Variants in CPED1 observed in about 807,000 individuals in gnomAD.
CPED1 encodes the protein cadherin like and PC-esterase domain containing 1.
Under a neutral mutation model 128.2 loss-of-function variants are expected in CPED1, and 114 were observed. That is an observed-to-expected ratio of 0.89 (90% CI 0.76 to 1.04). CPED1 has a LOEUF of 1.04. CPED1 is among the 50% of genes least tolerant of loss of function. CPED1 has a pLI of 0.00. For synonymous variants in CPED1, 462 were observed against 426.7 expected (o/e 1.08, Z -1.02); for missense variants, 1,211 against 1,207.1 (o/e 1.00, Z -0.05).
At position 121,261,876 on chromosome 7, in the gene CPED1, G is replaced by T. The variant is rs1792026227; in HGVS notation, c.2311-4351G>T. 3 of 681,990 alleles carry T rather than the reference G, an allele frequency of 4.4e-6. No individual in the cohort carries two copies. The East Asian group carries it at 8.9e-5, about 20-fold the overall frequency. 42.2% of individuals were successfully genotyped at this position (681,990 alleles called of 1,614,324 possible). A position where few individuals can be genotyped will look rare whatever the true frequency, so the allele number is the denominator to read the frequency against. On this transcript the variant is annotated intron_variant, in intron 18 of 22. Transcript: ENST00000310396. ...CAGGGACTATGCAACCAAGAAACTG[G>T]AAATAAAAACAAAGATAATTAAACC...
intron 6 of CPED1, among the ~76,000 whole-genome samples, chr7:121,098,733 T>C (rs1435781862): frequency 3.5e-5 from 1 of 28,850 alleles, no homozygotes; most frequent in East Asian, 2.6e-3. Flanking sequence ...TTGTCTCAAA[T>C]ATATATATAT....
At chr7:121,139,740 C>T (rs909678185) in intron 14 of CPED1, among the ~76,000 whole-genome samples, 9 of 152,020 alleles carry the variant, frequency 5.9e-5, no homozygotes, top group South Asian at 4.2e-4. Flanking sequence ...ATTATAGCTA[C>T]GTAAAAGCAG....
At chr7:121,213,346 A>T (rs1220393959) in intron 16 of CPED1, among the ~76,000 whole-genome samples, 8 of 152,058 alleles carry the variant, frequency 5.3e-5, no homozygotes, top group African/African-American at 1.9e-4. Flanking sequence ...GAATGATAAT[A>T]TCTACCTCAA....
At chr7:121,039,552 A>G (rs985513995) in intron 3 of CPED1, among the ~76,000 whole-genome samples, 1 of 152,048 alleles carries the variant, frequency 6.6e-6, no homozygotes, top group Non-Finnish European at 1.5e-5. Context: ...AAGGTGTTTC[A>G]AGCTGCTGAG....
intron 2 of CPED1, among the ~76,000 whole-genome samples, chr7:121,000,472 T>G (rs541534136): frequency 1.4e-4 from 21 of 152,314 alleles, no homozygotes; most frequent in African/African-American, 5.1e-4. Context: ...GCTAGGGGTA[T>G]TTACGATCCA....
intron 18 of CPED1, among the ~76,000 whole-genome samples, chr7:121,253,307 G>A (rs750542644): frequency 9.7e-5 from 11 of 113,122 alleles, no homozygotes; most frequent in Non-Finnish European, 1.7e-4. Context: ...CACCGAGGAC[G>A]GTTGTGGGGT....
At position 121,034,482 on chromosome 7, in the gene CPED1, G is replaced by A. The variant is rs192714423; in HGVS notation, c.434-12405G>A. ...AGGCTGTTCTCAAACTCCTGACCTCGTGATCTGCCCGCCTCTGCCTTCCAA... is the reference window on the plus strand; with the variant it reads ...AGGCTGTTCTCAAACTCCTGACCTCATGATCTGCCCGCCTCTGCCTTCCAA... On this transcript the variant is annotated intron_variant, in intron 3 of 22. Transcript: ENST00000310396. Among the ~76,000 whole-genome samples, 137 of 151,980 alleles carry A rather than the reference G, an allele frequency of 9.0e-4. 1 individual carries two copies. The highest frequency in any genetic ancestry group is 3.1e-3 in the African/African-American group (129 of 41,478).
chr7:121,044,930 T>G (rs945982278), intron 3 of CPED1, among the ~76,000 whole-genome samples: 1 of 152,158 alleles, frequency 6.6e-6, no homozygotes, highest in African/African-American at 2.4e-5. Flanking sequence ...TATCCTTATC[T>G]TCTTAAAATA....
At chr7:121,148,827 A>G in intron 16 of CPED1, among the ~76,000 whole-genome samples, 1 of 152,314 alleles carries the variant, frequency 6.6e-6, no homozygotes, top group South Asian at 2.1e-4. Context: ...ATATAAAGAC[A>G]AATGTATTTA....
intron 9 of CPED1, among the ~76,000 whole-genome samples, 176 bp downstream of exon 9, chr7:121,126,068 T>C (rs1163844780): frequency 6.6e-6 from 1 of 152,184 alleles, no homozygotes; most frequent in Non-Finnish European, 1.5e-5. Flanking sequence ...GGAGAATCTA[T>C]GAGTCCAATC....
At chr7:121,136,630 A>G (rs1476062358) in intron 14 of CPED1, among the ~76,000 whole-genome samples, 3 of 152,102 alleles carry the variant, frequency 2.0e-5, no homozygotes, top group African/African-American at 7.2e-5. Flanking sequence ...TATTATTACG[A>G]TGGTCTTGCA....
At chr7:121,047,706 CTTCTTCTTCTTT>C (rs1388880533) in intron 4 of CPED1, among the ~76,000 whole-genome samples, 13 of 50,152 alleles carry the variant, frequency 2.6e-4, no homozygotes, top group East Asian at 2.5e-3. Flanking sequence ...TCTTCTTCTT[CTTCTTCTTCTTT>C]TTTTTTTTTT....
At chr7:120,998,347 C>T (rs940043403) in intron 2 of CPED1, among the ~76,000 whole-genome samples, 2 of 152,162 alleles carry the variant, frequency 1.3e-5, no homozygotes, top group African/African-American at 4.8e-5. Context: ...TAACTTGTTA[C>T]CTTGGGCACA....
rs1563004737 is a variant in CPED1, at chr7:121,047,653, T to TCTTCCTCTTCCTCTTCC, written c.540+660_540+661insCTTCCTCTTCCTCTTCC. Among the ~76,000 whole-genome samples, 49 of 5,074 alleles carry TCTTCCTCTTCCTCTTCC rather than the reference T, an allele frequency of 9.7e-3. 1 individual carries two copies. The highest frequency in any genetic ancestry group is 0.016 in the African/African-American group (47 of 2,880). The allele number at this position is 5,074 out of a possible 152,430, so 3.3% of individuals were successfully genotyped here. A position where few individuals can be genotyped will look rare whatever the true frequency, so the allele number is the denominator to read the frequency against. ...CGCCATCTAGATAGCACCTTTCTTC[T>TCTTCCTCTTCCTCTTCC]TCTTCTTCTTCTTCTTCTTCTTCTT... On this transcript the variant is annotated intron_variant, in intron 4 of 22. Transcript: ENST00000310396.
chr7:121,020,221 G>T (rs149862200), intron 3 of CPED1, among the ~76,000 whole-genome samples: 1 of 151,946 alleles, frequency 6.6e-6, no homozygotes, highest in Non-Finnish European at 1.5e-5. Context: ...ATAACTTGAG[G>T]GTTTAACATA....
intron 7 of CPED1, among the ~76,000 whole-genome samples, chr7:121,123,297 G>C (rs1795430788): frequency 6.6e-6 from 1 of 152,100 alleles, no homozygotes. Flanking sequence ...GCATTGAGAA[G>C]ACACATTTAC....
chr7:121,142,783 C>T (rs1750198495), intron 16 of CPED1, among the ~76,000 whole-genome samples: 1 of 151,980 alleles, frequency 6.6e-6, no homozygotes, highest in Non-Finnish European at 1.5e-5. Flanking sequence ...TAACTTTGTA[C>T]AGTTCCTCAT....
intron 2 of CPED1, among the ~76,000 whole-genome samples, chr7:121,002,419 T>A (rs780956828): frequency 6.6e-6 from 1 of 152,170 alleles, no homozygotes; most frequent in Non-Finnish European, 1.5e-5. Context: ...GCAGAAGTGA[T>A]TTTGAATGTT....
chr7:120,998,234 C>T (rs1342750424), intron 2 of CPED1, among the ~76,000 whole-genome samples: 1 of 152,154 alleles, frequency 6.6e-6, no homozygotes, highest in Non-Finnish European at 1.5e-5. Flanking sequence ...TTTAAACTAT[C>T]CAGCTTCGAA....
Sources: allele counts gnomAD v4.1 joint callset (sites outside exome capture counted in the v4.1 genomes callset), GRCh38; gene constraint gnomAD v4.1.1; transcripts MANE v1.5; gene names NCBI Gene and HGNC (gene_info 2026-07-23, HGNC 2026-07-21).